DNAH14: variants seen among roughly 807,000 people sequenced by gnomAD.
DNAH14 encodes axonemal beta dynein heavy chain 14.
In DNAH14, 478 loss-of-function variants were observed where a neutral mutation model predicts 520.9. That is an observed-to-expected ratio of 0.92 (90% CI 0.85 to 0.99). The LOEUF (loss-of-function observed/expected upper bound fraction) is 0.99, where lower values mean the gene tolerates loss of function less well. Among genes scored for constraint, DNAH14 ranks in the 50% least tolerant of loss-of-function variants. The probability of loss-of-function intolerance (pLI) is 0.00; values close to 1 mark genes in which losing one functional copy is unlikely to be tolerated. For missense variants in DNAH14, 4,831 were observed against 5,234.5 expected (o/e 0.92, Z 2.38); for synonymous variants, 1,581 against 1,757.2 (o/e 0.90, Z 2.51).
At position 225,267,819 on chromosome 1, in the gene DNAH14, T is replaced by C. The variant is rs553481164; in HGVS notation, c.7539+1050T>C. Among the ~76,000 whole-genome samples the C allele has an allele frequency of 1.5e-4, 23 of 151,670 alleles. 1 individual carries two copies. The highest frequency in any genetic ancestry group is 5.6e-4 in the African/African-American group (23 of 41,324). On this transcript the variant is annotated intron_variant, in intron 49 of 85. Transcript: ENST00000682510. ...ATAAGGCAAACTGGCATGTGAGCGCTATCAGGTCAGACGTCAGTCAGACTG... is the reference window on the plus strand; with the variant it reads ...ATAAGGCAAACTGGCATGTGAGCGCCATCAGGTCAGACGTCAGTCAGACTG...
chr1:225,075,307 C>G (rs546676212), intron 17 of DNAH14, among the ~76,000 whole-genome samples: 7 of 152,084 alleles, frequency 4.6e-5, no homozygotes, highest in African/African-American at 1.4e-4. Flanking sequence ...CTCCGTGGGT[C>G]GAGTTGTTTC....
chr1:225,141,429 A>G (rs2079452170), intron 28 of DNAH14, among the ~76,000 whole-genome samples: 1 of 120,238 alleles, frequency 8.3e-6, no homozygotes. Flanking sequence ...TGGTATATAG[A>G]GGGTCTGGAA....
At chr1:225,292,410 G>A (rs1481009359) in intron 55 of DNAH14, among the ~76,000 whole-genome samples, 1 of 152,022 alleles carries the variant, frequency 6.6e-6, no homozygotes, top group Admixed American at 6.6e-5. Flanking sequence ...GTTGGCCATT[G>A]ATACATGGAT....
rs569729986 is a variant in DNAH14 at position 225,380,147 on chromosome 1, T to C, written c.12717-12T>C. 5 of 1,529,378 alleles carry C rather than the reference T, an allele frequency of 3.3e-6. No individual in the cohort carries two copies. Among genetic ancestry groups the C allele is most frequent in the Admixed American group, 4.2e-5 (2 of 47,292 alleles). The allele number at this position is 1,529,378 out of a possible 1,614,324, so 94.7% of individuals were successfully genotyped here. A position where few individuals can be genotyped will look rare whatever the true frequency, so the allele number is the denominator to read the frequency against. ...GTTCTGTGTCTCATTCTTCTCTTGGTTTTTTTTGCAGACCTGAGCAGAGTA... is the reference window on the plus strand; with the variant it reads ...GTTCTGTGTCTCATTCTTCTCTTGGCTTTTTTTGCAGACCTGAGCAGAGTA... On this transcript the variant is annotated splice_polypyrimidine_tract_variant and intron_variant, in intron 79 of 85. Coordinates refer to ENST00000682510, the MANE Select transcript of DNAH14 (RefSeq NM_001367479.1).
At chr1:225,103,854 C>T (rs2075760093) in intron 23 of DNAH14, among the ~76,000 whole-genome samples, 1 of 152,106 alleles carries the variant, frequency 6.6e-6, no homozygotes, top group Admixed American at 6.6e-5. Flanking sequence ...AATTTGACTT[C>T]CTCTTTTCCT....
At chr1:225,336,506 A>G (rs1017046811) in intron 66 of DNAH14, among the ~76,000 whole-genome samples, 2 of 152,202 alleles carry the variant, frequency 1.3e-5, no homozygotes, top group Non-Finnish European at 2.9e-5. Flanking sequence ...AAATAGACAA[A>G]TCTACAATCA....
At chr1:224,980,090 T>C (rs2062154942) in intron 8 of DNAH14, among the ~76,000 whole-genome samples, 1 of 152,208 alleles carries the variant, frequency 6.6e-6, no homozygotes, top group South Asian at 2.1e-4. Context: ...TGAGACTCCT[T>C]CTGCTTAAGA....
intron 71 of DNAH14, among the ~76,000 whole-genome samples, chr1:225,347,566 T>C (rs1053547339): frequency 2.0e-5 from 3 of 152,126 alleles, no homozygotes; most frequent in Non-Finnish European, 4.4e-5. Context: ...CTCAGAATAT[T>C]GATAAGACTG....
intron 50 of DNAH14, 150 bp from the exon 51 acceptor site, chr1:225,271,756 C>T: frequency 2.9e-6 from 2 of 681,758 alleles, no homozygotes; most frequent in South Asian, 2.1e-5. Flanking sequence ...TACTAATCTA[C>T]CATCCTATGT....
At chr1:225,206,868 T>C (rs185742426) in intron 40 of DNAH14, 100 bp from the exon 41 acceptor site, 51 of 1,045,244 alleles carry the variant, frequency 4.9e-5, no homozygotes, top group Admixed American at 1.4e-4. Flanking sequence ...AAGTCATATT[T>C]ATGAGAGGGC....
chr1:225,044,849 C>T (rs1405584366), intron 15 of DNAH14, among the ~76,000 whole-genome samples: 1 of 152,060 alleles, frequency 6.6e-6, no homozygotes, highest in Non-Finnish European at 1.5e-5. Flanking sequence ...TAGTATCTTG[C>T]AACATTATAC....
At chr1:225,153,481 T>C (rs545974665) in intron 33 of DNAH14, among the ~76,000 whole-genome samples, 33 of 152,268 alleles carry the variant, frequency 2.2e-4, no homozygotes, top group African/African-American at 7.5e-4. Flanking sequence ...TTTCAATTTA[T>C]CTCATTCTAG....
chr1:225,001,456 T>A (rs1365737682), intron 8 of DNAH14, among the ~76,000 whole-genome samples: 1 of 152,180 alleles, frequency 6.6e-6, no homozygotes, highest in Non-Finnish European at 1.5e-5. Flanking sequence ...TGTTTTCTTT[T>A]GTAATAAAAT....
intron 15 of DNAH14, 66 bp from the exon 16 acceptor site, chr1:225,050,144 G>A: frequency 7.4e-7 from 1 of 1,342,786 alleles, no homozygotes; most frequent in Non-Finnish European, 1.0e-6. Flanking sequence ...AGATGTCATG[G>A]ATAATTTTGA....
At chr1:225,357,354 A>C (rs2095441321) in intron 73 of DNAH14, among the ~76,000 whole-genome samples, 1 of 152,140 alleles carries the variant, frequency 6.6e-6, no homozygotes, top group South Asian at 2.1e-4. Flanking sequence ...AATTTACAAC[A>C]GTGGAGAAAT....
chr1:225,374,777 C>A lies in DNAH14; in HGVS notation c.12408C>A (p.Tyr4136Ter), dbSNP rs772708366. Residue 4136 changes from tyrosine (Y) to a stop codon, truncating the protein, a stop_gained, in exon 78 of 86, where the codon TAC becomes TAA. Coordinates refer to ENST00000682510, the MANE Select transcript of DNAH14 (RefSeq NM_001367479.1). LOFTEE classifies it high-confidence loss of function. ...ALRYLIGEVI[Y>*]GGRVIDNWDK... ...GCTACCTGATTGGAGAAGTGATTTA[C>A]GGTGGCCGGGTGATTGATAATTGGG... The A allele has an allele frequency of 2.6e-6, 4 of 1,551,496 alleles. No individual in the cohort carries two copies. Among genetic ancestry groups the A allele is most frequent in the Non-Finnish European group, 2.6e-6 (3 of 1,146,912 alleles).
At chr1:225,367,717 T>C (rs1047433817) in intron 76 of DNAH14, 88 bp from the exon 77 acceptor site, 2 of 868,458 alleles carry the variant, frequency 2.3e-6, no homozygotes, top group Admixed American at 2.8e-5. Flanking sequence ...GCCCAGTTCT[T>C]TTACCAGTGT....
intron 20 of DNAH14, among the ~76,000 whole-genome samples, chr1:225,084,063 G>A (rs1572949275): frequency 6.6e-6 from 1 of 152,092 alleles, no homozygotes; most frequent in East Asian, 1.9e-4. Context: ...GCTATTACAT[G>A]TCTAACATGA....
chr1:224,958,055 C>G (rs1469724730), intron 3 of DNAH14, among the ~76,000 whole-genome samples: 2 of 151,980 alleles, frequency 1.3e-5, no homozygotes, highest in Non-Finnish European at 2.9e-5. Context: ...TTTACTAAGT[C>G]AGGAGGACAG....
Sources: allele counts gnomAD v4.1 joint callset (sites outside exome capture counted in the v4.1 genomes callset), GRCh38; gene constraint gnomAD v4.1.1; transcripts MANE v1.5; gene names NCBI Gene and HGNC (gene_info 2026-07-23, HGNC 2026-07-21).